The following CCDC73 variants were observed in gnomAD, a reference collection of about 807,000 sequenced individuals.
The protein encoded by CCDC73 is coiled-coil domain containing 73.
Under a neutral mutation model 116.5 loss-of-function variants are expected in CCDC73, and 95 were observed. The observed-to-expected ratio is 0.82, with a 90% CI of 0.69 to 0.97. The LOEUF (loss-of-function observed/expected upper bound fraction) is 0.97, where lower values mean the gene tolerates loss of function less well. CCDC73 is among the 50% of genes least tolerant of loss of function. The probability of loss-of-function intolerance (pLI) is 0.00; values close to 1 mark genes in which losing one functional copy is unlikely to be tolerated. For synonymous variants in CCDC73, 398 were observed against 401.3 expected (o/e 0.99, Z 0.10); for missense variants, 1,066 against 1,206.8 (o/e 0.88, Z 1.73).
At chr11:32,677,971 A>C (rs1245725861) in intron 7 of CCDC73, among the ~76,000 whole-genome samples, 1 of 149,660 alleles carries the variant, frequency 6.7e-6, no homozygotes, top group African/African-American at 2.5e-5. Context: ...AAAAAAAAAA[A>C]AAAAAAAACC....
chr11:32,672,472 T>C (rs951999726), intron 9 of CCDC73, among the ~76,000 whole-genome samples: 1 of 152,224 alleles, frequency 6.6e-6, no homozygotes, highest in Non-Finnish European at 1.5e-5. Flanking sequence ...TAAAGGCTTA[T>C]TAATATTTTA....
chr11:32,694,500 T>C (rs1256626007), intron 6 of CCDC73, among the ~76,000 whole-genome samples: 1 of 152,290 alleles, frequency 6.6e-6, no homozygotes, highest in African/African-American at 2.4e-5. Context: ...ATTTACATGA[T>C]GAGTTAATGG....
rs932148044 is a variant in CCDC73 at position 32,677,596 on chromosome 11, T to C, written c.430-1575A>G. Among the ~76,000 whole-genome samples the C allele has an allele frequency of 5.3e-5, 8 of 152,214 alleles. No individual in the cohort carries two copies. The East Asian group carries it at 1.5e-3, about 29-fold the overall frequency. ...AAGCAATTCTTTATTCTCTGGTTGA[T>C]TGTGAATGCCTCCCCTAAATTTCCT... On this transcript the variant is annotated intron_variant, in intron 7 of 17. Coordinates refer to ENST00000335185, the MANE Select transcript of CCDC73 (RefSeq NM_001008391.4).
intron 2 of CCDC73, among the ~76,000 whole-genome samples, chr11:32,741,035 T>C (rs1004468937): frequency 2.6e-5 from 4 of 152,154 alleles, no homozygotes; most frequent in African/African-American, 4.8e-5. Context: ...TCAAAGAAAA[T>C]ACTTGATATT....
chr11:32,659,824 T>C (rs1487323352), intron 9 of CCDC73, among the ~76,000 whole-genome samples: 1 of 152,194 alleles, frequency 6.6e-6, no homozygotes, highest in Non-Finnish European at 1.5e-5. Context: ...TGTCTCCACT[T>C]TCCATTCTTG....
intron 10 of CCDC73, 101 bp from the exon 11 acceptor site, chr11:32,654,138 A>AC: frequency 9.9e-7 from 1 of 1,012,356 alleles, no homozygotes; most frequent in Non-Finnish European, 1.4e-6. Flanking sequence ...ACCTATTCCT[A>AC]CCCCCAGAGT....
intron 2 of CCDC73, among the ~76,000 whole-genome samples, chr11:32,749,459 A>C (rs1400957547): frequency 6.6e-6 from 1 of 152,102 alleles, no homozygotes; most frequent in Non-Finnish European, 1.5e-5. Flanking sequence ...GAGCTTCCTC[A>C]AAACAGCTAT....
intron 4 of CCDC73, 61 bp downstream of exon 4, chr11:32,702,812 T>C (rs1849825573): frequency 1.2e-5 from 13 of 1,123,640 alleles, no homozygotes; most frequent in South Asian, 6.2e-5. Flanking sequence ...ATAATATTCA[T>C]AGGAGGGGGA....
chr11:32,786,838 T>C (rs1850633928), intron 1 of CCDC73, among the ~76,000 whole-genome samples: 1 of 152,108 alleles, frequency 6.6e-6, no homozygotes, highest in African/African-American at 2.4e-5. Flanking sequence ...TTAAATTATT[T>C]AAGTTATTTA....
chr11:32,686,313 A>G (rs1856200739), intron 6 of CCDC73, among the ~76,000 whole-genome samples: 1 of 150,596 alleles, frequency 6.6e-6, no homozygotes, highest in Non-Finnish European at 1.5e-5. Context: ...AGGATTTTAG[A>G]AACTTAATTT....
At chr11:32,799,485 G>A (rs144426481), upstream of CCDC73, among the ~76,000 whole-genome samples, 373 of 151,724 alleles carry the variant, frequency 2.5e-3, no homozygotes, top group Non-Finnish European at 3.3e-3. Flanking sequence ...CCCAGCCTGT[G>A]GGTTTTTTTT....
chr11:32,639,072 C>T (rs947638077), intron 13 of CCDC73, among the ~76,000 whole-genome samples: 4 of 151,292 alleles, frequency 2.6e-5, no homozygotes, highest in East Asian at 2.0e-4. Flanking sequence ...TGCTTGAACC[C>T]GGGAGGTGGA....
chr11:32,775,155 T>G (rs1450002066), intron 1 of CCDC73, among the ~76,000 whole-genome samples: 3 of 152,188 alleles, frequency 2.0e-5, no homozygotes, highest in Non-Finnish European at 4.4e-5. Flanking sequence ...CCACTCAGCT[T>G]TGGGAGCCAG....
chr11:32,813,929 T>C, the CCDC73 span, among the ~76,000 whole-genome samples: 1 of 152,216 alleles, frequency 6.6e-6, no homozygotes, highest in Non-Finnish European at 1.5e-5. Flanking sequence ...CAAATTTCCA[T>C]GAGTAATTCT....
intron 2 of CCDC73, among the ~76,000 whole-genome samples, chr11:32,724,761 T>A (rs1339636923): frequency 6.6e-6 from 1 of 152,188 alleles, no homozygotes; most frequent in East Asian, 1.9e-4. Context: ...ATTCCTACCC[T>A]ACTCACATCA....
intron 13 of CCDC73, among the ~76,000 whole-genome samples, chr11:32,639,457 C>CT (rs780397751): frequency 0.017 from 2,471 of 146,716 alleles, 40 homozygotes; most frequent in Middle Eastern, 0.042. Flanking sequence ...CTTTTTTTTC[C>CT]TTTTTTTTTT....
chr11:32,751,015 A>T (rs913353580), intron 2 of CCDC73, among the ~76,000 whole-genome samples: 4 of 152,164 alleles, frequency 2.6e-5, no homozygotes, highest in Non-Finnish European at 4.4e-5. Context: ...AAGCGCTCTT[A>T]AGTTAGCAGG....
intron 14 of CCDC73, among the ~76,000 whole-genome samples, chr11:32,623,389 C>T (rs578217319): frequency 6.6e-6 from 1 of 152,124 alleles, no homozygotes; most frequent in African/African-American, 2.4e-5. Context: ...CAGGGTCTCC[C>T]TCAGTCCTCC....
the CCDC73 span, among the ~76,000 whole-genome samples, chr11:32,804,764 A>G: frequency 8.3e-4 from 126 of 152,352 alleles, no homozygotes; most frequent in Admixed American, 2.1e-3. Context: ...GATTTAGTCT[A>G]TAACCTCAAA....
Sources: gnomAD v4.1 joint callset for allele counts (sites outside exome capture counted in the v4.1 genomes callset) on GRCh38, gnomAD v4.1.1 for gene constraint, MANE v1.5 for transcripts, NCBI Gene and HGNC (gene_info 2026-07-23, HGNC 2026-07-21) for gene names.